The following BLZF1 variants were observed in gnomAD, a reference collection of about 807,000 sequenced individuals.
The protein encoded by BLZF1 is basic leucine zipper nuclear factor 1.
A neutral mutation model predicts 43.8 loss-of-function variants in BLZF1; 39 were observed. That is an observed-to-expected ratio of 0.89 (90% confidence interval 0.69 to 1.16). The LOEUF (loss-of-function observed/expected upper bound fraction) is 1.16. Ranked by LOEUF, BLZF1 falls within the 50% of genes most tolerant of loss-of-function variation. The probability of loss-of-function intolerance (pLI) is 0.00; values close to 1 mark genes in which losing one functional copy is unlikely to be tolerated. For missense variants in BLZF1, 449 were observed against 469.8 expected (o/e 0.96, Z 0.41); for synonymous variants, 136 against 159.4 (o/e 0.85, Z 1.11).
chr1:169,381,330 T>C, intron 5 of BLZF1, among the ~76,000 whole-genome samples: 1 of 152,104 alleles, frequency 6.6e-6, no homozygotes, highest in East Asian at 1.9e-4. Context: ...CAAAGGTTAC[T>C]CAAGAACAAA....
chr1:169,393,138 C>T (rs1435572835), downstream of BLZF1, among the ~76,000 whole-genome samples: 1 of 152,092 alleles, frequency 6.6e-6, no homozygotes, highest in Admixed American at 6.5e-5. Context: ...AGAATACCTA[C>T]TTGGTGTCTG....
intron 2 of BLZF1, among the ~76,000 whole-genome samples, chr1:169,375,110 A>C (rs1348405975): frequency 6.6e-6 from 1 of 151,874 alleles, no homozygotes; most frequent in Non-Finnish European, 1.5e-5. Flanking sequence ...ATATGTAGGC[A>C]TAAAAGTGTT....
intron 4 of BLZF1, among the ~76,000 whole-genome samples, chr1:169,380,088 G>GTT: frequency 6.6e-6 from 1 of 151,680 alleles, no homozygotes; most frequent in Non-Finnish European, 1.5e-5. Context: ...ATATTTTTCT[G>GTT]GGGGCAAAGA....
rs546162284 is a variant in BLZF1 at position 169,377,684 on chromosome 1, G to A, written c.469-646G>A. On this transcript the variant is annotated intron_variant, in intron 3 of 6. Transcript: ENST00000367808. ...CCTGAATCATTTCATCCAGCTATACGTGCATAACCATATACATTGAGTTCA... is the reference window on the plus strand; with the variant it reads ...CCTGAATCATTTCATCCAGCTATACATGCATAACCATATACATTGAGTTCA... Among the ~76,000 whole-genome samples, 16 of 151,990 alleles carry A rather than the reference G, an allele frequency of 1.1e-4. No homozygotes were observed. In the East Asian group the frequency reaches 2.5e-3, roughly 24 times the overall value.
intron 3 of BLZF1, 147 bp downstream of exon 3, chr1:169,377,126 A>T (rs1375524090): frequency 2.9e-6 from 2 of 700,258 alleles, no homozygotes; most frequent in Non-Finnish European, 4.8e-6. Flanking sequence ...TAAATTTCTC[A>T]TTCTTTCTCA....
intron 7 of BLZF1, among the ~76,000 whole-genome samples, chr1:169,394,008 T>C (rs1194617255): frequency 6.6e-6 from 1 of 152,242 alleles, no homozygotes; most frequent in African/African-American, 2.4e-5. Context: ...CTCTTACATG[T>C]ATCAGAAGTA....
intron 2 of BLZF1, among the ~76,000 whole-genome samples, chr1:169,373,258 A>G (rs1654184211): frequency 6.6e-6 from 1 of 152,306 alleles, no homozygotes; most frequent in African/African-American, 2.4e-5. Flanking sequence ...TCACAGGTGG[A>G]AGTAATGATG....
rs763773221 is a variant in BLZF1, at chr1:169,382,214, A to G, written c.950A>G (p.Asn317Ser). 3 of 1,613,852 alleles carry G rather than the reference A, an allele frequency of 1.9e-6. No homozygotes were observed. Among genetic ancestry groups the G allele is most frequent in the South Asian group, 1.1e-5 (1 of 91,074 alleles). The change falls in exon 6 of 7, where the codon AAC becomes AGC. Residue 317 changes from asparagine (N) to serine (S), a missense_variant. Asn to Ser is a conservative substitution (Grantham distance 46, BLOSUM62 1). Transcript: ENST00000367808. ...NSHLLGNVGI[N>S]NQKKIPSTVE... ...CATCTTCTGGGAAATGTTGGCATTA[A>G]CAATCAAAAAAAGATTCCATCAACA...
At chr1:169,390,654 T>A (rs1398831912), downstream of BLZF1, among the ~76,000 whole-genome samples, 1 of 152,152 alleles carries the variant, frequency 6.6e-6, no homozygotes, top group Non-Finnish European at 1.5e-5. Context: ...AAGGGAGAAT[T>A]ATTCTGAGGC....
Position 169,382,203 on chromosome 1 carries a change from T to C in BLZF1, c.939T>C (p.Asn313=). ...CAGTAAATTCTCATCTTCTGGGAAA[T>C]GTTGGCATTAACAATCAAAAAAAGA... ...AKAVNSHLLG[N]VGINNQKKIP... Residue 313 remains asparagine, a synonymous_variant, in exon 6 of 7, where the codon AAT becomes AAC. Transcript: ENST00000367808. The C allele has an allele frequency of 6.2e-7, 1 of 1,613,788 alleles. No individual in the cohort carries two copies. Among genetic ancestry groups the C allele is most frequent in the East Asian group, 2.2e-5 (1 of 44,862 alleles).
chr1:169,380,683 T>G, intron 5 of BLZF1, 74 bp downstream of exon 5: 1 of 1,556,850 alleles, frequency 6.4e-7, no homozygotes, highest in Non-Finnish European at 8.8e-7. Flanking sequence ...TTGGTTTTTT[T>G]GTTTGTTTGT....
chr1:169,380,337 T>C (rs1471062375), intron 4 of BLZF1, 144 bp from the exon 5 acceptor site: 2 of 664,164 alleles, frequency 3.0e-6, no homozygotes, highest in Non-Finnish European at 4.7e-6. Context: ...TAATGCTCTT[T>C]AGCTAAAATT....
At position 169,387,161 on chromosome 1, in the gene BLZF1, G is replaced by A. The variant is rs1228755366; in HGVS notation, c.1182G>A (p.Arg394=). The part of the protein sequence containing the change: ...NITFNCCNHC[R]GELIAL ...CTTTCAATTGCTGCAATCACTGCCG[G>A]GGAGAACTGATTGCCCTTTAACAGT... The change falls in exon 7 of 7, where the codon CGG becomes CGA. Residue 394 remains arginine, a synonymous_variant. Coordinates refer to ENST00000367808, the MANE Select transcript of BLZF1 (RefSeq NM_001320973.2). 6.2e-7 allele frequency: 1 copy of A among 1,613,200 alleles called. No individual in the cohort carries two copies. The highest frequency in any genetic ancestry group is 1.1e-5 in the South Asian group (1 of 90,926).
rs1349490021 is a variant in BLZF1 at position 169,387,019 on chromosome 1, T to A, written c.1040T>A (p.Val347Asp). 6.2e-7 allele frequency: 1 copy of A among 1,609,702 alleles called. No individual in the cohort carries two copies. Among genetic ancestry groups the A allele is most frequent in the Middle Eastern group, 1.7e-4 (1 of 6,002 alleles). ...AETVLRILDP[V>D]TCKESSPDNP... is the part of the protein sequence containing the mutation. ...TAGGTTCTAAGAATTTTAGATCCAG[T>A]TACCTGCAAAGAGAGTTCACCTGAT... Residue 347 changes from valine to aspartate, a missense_variant, in exon 7 of 7, where the codon GTT (valine) becomes GAT (aspartate). By Grantham distance (152) the Val-to-Asp change is radical. Coordinates refer to ENST00000367808, the MANE Select transcript of BLZF1 (RefSeq NM_001320973.2).
rs541728762 is a variant in BLZF1 at position 169,375,746 on chromosome 1, C to T, written c.29-794C>T. Among the ~76,000 whole-genome samples the T allele has an allele frequency of 7.3e-5, 11 of 151,352 alleles. No individual in the cohort carries two copies. The South Asian group carries it at 1.2e-3, about 17-fold the overall frequency. ...AACCATTGTTACTGATCTGTGTGCTCGTCTTTTGTCCCTCCCCTTGTTATC... is the reference window on the plus strand; with the variant it reads ...AACCATTGTTACTGATCTGTGTGCTTGTCTTTTGTCCCTCCCCTTGTTATC... On this transcript the variant is annotated intron_variant, in intron 2 of 6. Transcript: ENST00000367808.
At chr1:169,394,811 G>T in intron 7 of BLZF1, 1 of 320,712 alleles carries the variant, frequency 3.1e-6, no homozygotes, top group Non-Finnish European at 5.6e-6. Flanking sequence ...AGAAGTAGAA[G>T]GACATAGAAT....
At chr1:169,391,317 G>A (rs80019959), downstream of BLZF1, among the ~76,000 whole-genome samples, 765 of 152,290 alleles carry the variant, frequency 5.0e-3, 8 homozygotes, top group Admixed American at 3.6e-3. Flanking sequence ...AGCATTGTAA[G>A]GGTTGTGCAC....
At chr1:169,391,126 T>C (rs1412556765), downstream of BLZF1, among the ~76,000 whole-genome samples, 1 of 152,078 alleles carries the variant, frequency 6.6e-6, no homozygotes, top group African/African-American at 2.4e-5. Flanking sequence ...GCAAAACAGA[T>C]TCAAAACCTG....
chr1:169,369,338 A>G (rs1179712827), intron 1 of BLZF1, 135 bp from the exon 2 acceptor site: 11 of 480,696 alleles, frequency 2.3e-5, no homozygotes, highest in East Asian at 1.7e-4. Flanking sequence ...AGAATGGGAT[A>G]TAAGGGACAT....
Sources: gnomAD v4.1 joint callset for allele counts (sites outside exome capture counted in the v4.1 genomes callset) on GRCh38, gnomAD v4.1.1 for gene constraint, MANE v1.5 for transcripts, NCBI Gene and HGNC (gene_info 2026-07-23, HGNC 2026-07-21) for gene names.